CFDP1: variants seen among roughly 807,000 people sequenced by gnomAD.
The protein encoded by CFDP1 is chromatin remodeling protein CFDP1, also known as heterochromatin-stabilizing protein CFDP1.
Under a neutral mutation model 40.1 loss-of-function variants are expected in CFDP1, and 31 were observed. The ratio of observed to expected loss-of-function variants is 0.77; its 90% CI spans 0.58 to 1.04. The LOEUF (loss-of-function observed/expected upper bound fraction) is 1.04. CFDP1 is among the 50% of genes least tolerant of loss of function. The probability of loss-of-function intolerance (pLI) is 0.00; values close to 1 mark genes in which losing one functional copy is unlikely to be tolerated. For synonymous variants in CFDP1, 167 were observed against 120.0 expected (o/e 1.39, Z -2.56); for missense variants, 423 against 343.4 (o/e 1.23, Z -1.83).
At chr16:75,403,510 C>T (rs757583672) in intron 4 of CFDP1, among the ~76,000 whole-genome samples, 2 of 152,172 alleles carry the variant, frequency 1.3e-5, no homozygotes, top group Non-Finnish European at 2.9e-5. Context: ...TGTGCCACTG[C>T]GCCTGGCCTA....
intron 5 of CFDP1, among the ~76,000 whole-genome samples, chr16:75,361,409 G>C (rs191219831): frequency 2.6e-4 from 39 of 152,270 alleles, no homozygotes; most frequent in Admixed American, 7.8e-4. Flanking sequence ...TTGAAGTCAG[G>C]AGTTCAAGAC....
At chr16:75,420,758 C>T (rs538466920) in intron 1 of CFDP1, among the ~76,000 whole-genome samples, 1 of 152,050 alleles carries the variant, frequency 6.6e-6, no homozygotes, top group African/African-American at 2.4e-5. Flanking sequence ...GGAAAAAATA[C>T]AAATATCTAT....
chr16:75,319,805 T>A (rs2078349498), intron 5 of CFDP1, among the ~76,000 whole-genome samples: 1 of 152,196 alleles, frequency 6.6e-6, no homozygotes, highest in Admixed American at 6.5e-5. Flanking sequence ...AGCAATCATC[T>A]ATACAAGGGT....
At chr16:75,311,705 T>C (rs2078293503) in intron 5 of CFDP1, among the ~76,000 whole-genome samples, 1 of 152,092 alleles carries the variant, frequency 6.6e-6, no homozygotes, top group African/African-American at 2.4e-5. Flanking sequence ...AAAAATTCTT[T>C]GGCAGAGATA....
intron 2 of CFDP1, among the ~76,000 whole-genome samples, chr16:75,413,358 A>G (rs1052166728): frequency 2.0e-5 from 3 of 152,046 alleles, no homozygotes; most frequent in African/African-American, 7.2e-5. Flanking sequence ...AGATTCCACT[A>G]CCTTTTTTCT....
chr16:75,366,841 T>C lies in CFDP1; in HGVS notation c.650+28249A>G, dbSNP rs116794971. On this transcript the variant is annotated intron_variant, in intron 5 of 6. Transcript: ENST00000283882. ...GTGATGGAAGTGTTCTAAAATGAAA[T>C]TGTACACAATGAAAGTTACCACTTT... is the stretch of plus-strand genomic sequence containing the variant. 3.0e-3 allele frequency among the ~76,000 whole-genome samples: 460 copies of C among 151,742 alleles called. 2 individuals carry two copies. The highest frequency in any genetic ancestry group is 0.011 in the African/African-American group (447 of 41,378).
chr16:75,340,357 A>G (rs2078518449), intron 5 of CFDP1, among the ~76,000 whole-genome samples: 1 of 152,204 alleles, frequency 6.6e-6, no homozygotes, highest in African/African-American at 2.4e-5. Context: ...GGAGACTGTT[A>G]TTTCTCTTCT....
At chr16:75,342,915 T>C (rs2078536530) in intron 5 of CFDP1, among the ~76,000 whole-genome samples, 1 of 152,142 alleles carries the variant, frequency 6.6e-6, no homozygotes, top group Non-Finnish European at 1.5e-5. Flanking sequence ...CAAAGAACTA[T>C]CCAGCCCAAA....
intron 5 of CFDP1, among the ~76,000 whole-genome samples, chr16:75,391,838 G>A (rs528200724): frequency 8.7e-4 from 132 of 151,958 alleles, no homozygotes; most frequent in Admixed American, 8.0e-3. Flanking sequence ...GTGTGGTGGC[G>A]GGCGCCTGTA....
intron 5 of CFDP1, among the ~76,000 whole-genome samples, chr16:75,340,099 A>C (rs2078516295): frequency 6.6e-6 from 1 of 152,228 alleles, no homozygotes; most frequent in Non-Finnish European, 1.5e-5. Context: ...CAAGCATTTG[A>C]GTTTTGTAAG....
At chr16:75,428,503 G>C (rs2079367943) in intron 1 of CFDP1, among the ~76,000 whole-genome samples, 1 of 151,706 alleles carries the variant, frequency 6.6e-6, no homozygotes, top group South Asian at 2.1e-4. Context: ...CTGTATCCCA[G>C]CTACTCGAGA....
At chr16:75,347,453 G>A (rs1424052053) in intron 5 of CFDP1, among the ~76,000 whole-genome samples, 1 of 152,030 alleles carries the variant, frequency 6.6e-6, no homozygotes, top group Non-Finnish European at 1.5e-5. Context: ...GCCCAGGTGG[G>A]TGGATCACGA....
chr16:75,422,012 G>T (rs890682085), intron 1 of CFDP1, among the ~76,000 whole-genome samples: 2 of 152,160 alleles, frequency 1.3e-5, no homozygotes, highest in Admixed American at 6.5e-5. Flanking sequence ...ATACTGTATT[G>T]TTTAGGAAAT....
At chr16:75,297,146 TTG>T (rs71158596) in intron 6 of CFDP1, among the ~76,000 whole-genome samples, 19 of 133,058 alleles carry the variant, frequency 1.4e-4, no homozygotes, top group East Asian at 2.2e-4. Flanking sequence ...TTCCCATTTC[TTG>T]TGTGTGTGTG....
intron 1 of CFDP1, among the ~76,000 whole-genome samples, chr16:75,426,473 T>C (rs915182176): frequency 6.6e-6 from 1 of 151,844 alleles, no homozygotes; most frequent in African/African-American, 2.4e-5. Flanking sequence ...GCACAACCCA[T>C]AATAGAAAAA....
chr16:75,428,458 C>G (rs773403591), intron 1 of CFDP1, among the ~76,000 whole-genome samples: 3 of 151,704 alleles, frequency 2.0e-5, no homozygotes, highest in Non-Finnish European at 2.9e-5. Flanking sequence ...TATTAAAATA[C>G]AAAAACAAAA....
intron 5 of CFDP1, among the ~76,000 whole-genome samples, chr16:75,338,299 C>T (rs191659190): frequency 1.9e-4 from 29 of 152,276 alleles, no homozygotes; most frequent in Non-Finnish European, 2.9e-5. Flanking sequence ...CAGGGGACCA[C>T]TGGGCCATTT....
chr16:75,411,732 T>G, intron 4 of CFDP1, 93 bp downstream of exon 4: 3 of 1,246,892 alleles, frequency 2.4e-6, no homozygotes, highest in South Asian at 1.3e-5. Flanking sequence ...AATATTATGA[T>G]GGATTGAAAA....
At chr16:75,299,125 G>A (rs1377445188) in intron 6 of CFDP1, among the ~76,000 whole-genome samples, 2 of 152,086 alleles carry the variant, frequency 1.3e-5, no homozygotes, top group African/African-American at 4.8e-5. Context: ...ATCCTGGAAT[G>A]CTGTACTGGG....
Sources: gnomAD v4.1 joint callset for allele counts (sites outside exome capture counted in the v4.1 genomes callset) on GRCh38, gnomAD v4.1.1 for gene constraint, MANE v1.5 for transcripts, NCBI Gene and HGNC (gene_info 2026-07-23, HGNC 2026-07-21) for gene names.